JMJD4: variants seen among roughly 807,000 people sequenced by gnomAD.
JMJD4 encodes the protein 2-oxoglutarate and iron-dependent oxygenase JMJD4.
Under a neutral mutation model 36.3 loss-of-function variants are expected in JMJD4, and 34 were observed. That is an observed-to-expected ratio of 0.94 (90% CI 0.71 to 1.25). The LOEUF (loss-of-function observed/expected upper bound fraction) is 1.25. Ranked by LOEUF, JMJD4 falls within the 50% of genes most tolerant of loss-of-function variation. The pLI is 0.00. For missense variants in JMJD4, 584 were observed against 559.1 expected, an observed-to-expected ratio of 1.04 and a Z score of -0.45; for synonymous variants, 269 against 235.3, an observed-to-expected ratio of 1.14 and a Z score of -1.31.
intron 1 of JMJD4, 66 bp from the exon 2 acceptor site, chr1:227,734,882 A>G (rs1660967805): frequency 3.1e-6 from 5 of 1,597,484 alleles, no homozygotes; most frequent in Non-Finnish European, 4.3e-6. Context: ...CCGTCTGCAG[A>G]GGAACTCTCC....
rs866628747 is a variant in JMJD4, at chr1:227,735,122, G to A, written c.152C>T (p.Pro51Leu). 6.3e-7 allele frequency: 1 copy of A among 1,578,934 alleles called. No individual in the cohort carries two copies. Among genetic ancestry groups the A allele is most frequent in the Non-Finnish European group, 8.6e-7 (1 of 1,163,420 alleles). ...GCTGGAAAACACGCAGGGCAGGTTG[G>A]GCAGCAAGAAGCCCCGCACAAAGTC... ...YADFVRGFLL[P>L]NLPCVFSSAF... The change falls in exon 1 of 6, where the codon CCC becomes CTC. Residue 51 changes from proline (P) to leucine (L), a missense_variant. Pro to Leu is a moderately conservative substitution (Grantham distance 98). Coordinates refer to ENST00000620518, the MANE Select transcript of JMJD4 (RefSeq NM_023007.3).
In JMJD4 at chr1:227,735,181, G is replaced by A. The variant is rs750265033; in HGVS notation, c.93C>T (p.Ala31=). The stretch of plus-strand genomic sequence containing the variant: ...AGAAGGCGCCCGGCTCCGAGACGAA[G>A]GCTACCCGGCCCGGAGCCTGGCCGA... ...PGVGQAPGRV[A]FVSEPGAFSY... is the part of the protein sequence containing the mutation. The change falls in exon 1 of 6, where the codon GCC becomes GCT. Residue 31 remains alanine (A), a synonymous_variant. Coordinates refer to ENST00000620518, the MANE Select transcript of JMJD4 (RefSeq NM_023007.3). 6.3e-6 allele frequency: 10 copies of A among 1,580,762 alleles called. No individual in the cohort carries two copies. The African/African-American group carries it at 6.8e-5, about 11-fold the overall frequency.
rs576598235 is a variant in JMJD4 at position 227,733,578 on chromosome 1, G to A, written c.658C>T (p.Arg220Trp). 2.5e-6 allele frequency: 4 copies of A among 1,607,684 alleles called. No homozygotes were observed. Among genetic ancestry groups the A allele is most frequent in the East Asian group, 2.2e-5 (1 of 44,846 alleles). Reference protein sequence around the residue: ...LFPPGQEEALRDRHGNLPYDV... With the variant: ...LFPPGQEEALWDRHGNLPYDV... Reference sequence around the variant, plus strand: ...TAGGGCAGGTTGCCGTGGCGGTCCCGCAGGGCCTCTTCCTGCCCTGGGGGG... The same window carrying A: ...TAGGGCAGGTTGCCGTGGCGGTCCCACAGGGCCTCTTCCTGCCCTGGGGGG... The change falls in exon 4 of 6, where the codon CGG becomes TGG. Residue 220 changes from arginine (R) to tryptophan (W), a missense_variant. Arg to Trp is a moderately radical substitution (Grantham distance 101, BLOSUM62 -3). Coordinates refer to ENST00000620518, the MANE Select transcript of JMJD4 (RefSeq NM_023007.3).
chr1:227,733,164 T>G lies in JMJD4; in HGVS notation c.823-137A>C, dbSNP rs959287586. The stretch of plus-strand genomic sequence containing the variant: ...GGGCCCTCCTGTCTCCCAGCAGGGC[T>G]TGCTCAGCAGGGAAGTGGGTGGCGG... On this transcript the variant is annotated intron_variant, in intron 4 of 5. Coordinates refer to ENST00000620518, the MANE Select transcript of JMJD4 (RefSeq NM_023007.3). 4.8e-6 allele frequency: 5 copies of G among 1,044,186 alleles called. No homozygotes were observed. In the African/African-American group the frequency reaches 8.0e-5, roughly 17 times the overall value. The allele number at this position is 1,044,186 out of a possible 1,614,324, so 64.7% of individuals were successfully genotyped here. A position where few individuals can be genotyped will look rare whatever the true frequency, so the allele number is the denominator to read the frequency against.
intron 2 of JMJD4, 191 bp downstream of exon 2, chr1:227,734,460 C>T: frequency 4.2e-6 from 2 of 478,790 alleles, no homozygotes; most frequent in Non-Finnish European, 7.2e-6. Flanking sequence ...GAAAAAAAAC[C>T]ATATTGACCT....
rs777050845 is a variant in JMJD4 at position 227,735,015 on chromosome 1, A to C, written c.259T>G (p.Tyr87Asp). The C allele has an allele frequency of 6.5e-7, 1 of 1,541,184 alleles. No homozygotes were observed. ...GGGTCTGCGGCCGCCGCCCCACCGT[A>C]GGTCCGTAGCAGGTGGTCGAAGTCG... Reference protein sequence around the residue: ...RPDFDHLLRTYGDVVVPVANC... With the variant: ...RPDFDHLLRTDGDVVVPVANC... The change falls in exon 1 of 6, where the codon TAC becomes GAC. Residue 87 changes from tyrosine to aspartate, a missense_variant. Tyr to Asp is a radical substitution (Grantham distance 160). Coordinates refer to ENST00000620518, the MANE Select transcript of JMJD4 (RefSeq NM_023007.3).
At position 227,733,527 on chromosome 1, in the gene JMJD4, C is replaced by T. The variant is rs745695765; in HGVS notation, c.709G>A (p.Asp237Asn). The part of the protein sequence containing the change: ...PYDVTSPALC[D>N]THLHPRNQLA... ...TGGTTCCGTGGGTGCAGGTGTGTGT[C>T]GCAGAGTGCTGGGGAGGTCACGTCG... Residue 237 changes from aspartate (D) to asparagine (N), a missense_variant, in exon 4 of 6, where the codon GAC becomes AAC. Transcript: ENST00000620518. 8 of 1,603,046 alleles carry T rather than the reference C, an allele frequency of 5.0e-6. No individual in the cohort carries two copies. Among genetic ancestry groups the T allele is most frequent in the African/African-American group, 2.7e-5 (2 of 74,484 alleles).
chr1:227,732,482 G>C lies in JMJD4; in HGVS notation c.1164C>G (p.Phe388Leu), dbSNP rs1386406295. Reference sequence around the variant, plus strand: ...AGAACGCGCTGGTGTCCACTCTCTGGAAGTCGGGGTGCGCAACCAAGGAGG... The same window carrying C: ...AGAACGCGCTGGTGTCCACTCTCTGCAAGTCGGGGTGCGCAACCAAGGAGG... The part of the protein sequence containing the change: ...VLASLVAHPD[F>L]QRVDTSAFSP... Residue 388 changes from phenylalanine (F) to leucine (L), a missense_variant, in exon 6 of 6, where the codon TTC becomes TTG. Phe to Leu is a conservative substitution (Grantham distance 22). Transcript: ENST00000620518. The C allele has an allele frequency of 1.2e-6, 2 of 1,613,342 alleles. No individual in the cohort carries two copies. The highest frequency in any genetic ancestry group is 1.7e-5 in the Admixed American group (1 of 60,032).
rs1660873973 is a variant in JMJD4 at position 227,734,052 on chromosome 1, G to A, written c.429-20C>T. 1 of 1,609,274 alleles carries A rather than the reference G, an allele frequency of 6.2e-7. No homozygotes were observed. Among genetic ancestry groups the A allele is most frequent in the Admixed American group, 1.7e-5 (1 of 59,654 alleles). On this transcript the variant is annotated intron_variant, in intron 2 of 5. Coordinates refer to ENST00000620518, the MANE Select transcript of JMJD4 (RefSeq NM_023007.3). ...AAGTCCCTGTGAGGAGGGCGCAAGGGCACCACCGACAGCACGTGAGGCACG... is the reference window on the plus strand; with the variant it reads ...AAGTCCCTGTGAGGAGGGCGCAAGGACACCACCGACAGCACGTGAGGCACG...
intron 2 of JMJD4, 96 bp downstream of exon 2, chr1:227,734,555 C>G: frequency 8.6e-7 from 1 of 1,168,492 alleles, no homozygotes. Flanking sequence ...AAAAATAGCT[C>G]CGTTGTGCAC....
At chr1:227,733,836 C>T (rs1298467311) in intron 3 of JMJD4, 71 bp downstream of exon 3, 2 of 1,598,344 alleles carry the variant, frequency 1.3e-6, no homozygotes, top group Non-Finnish European at 8.5e-7. Context: ...CCCCCTCCTG[C>T]CACCCTGGGC....
rs746902443 is a variant in JMJD4 at position 227,733,409 on chromosome 1, A to C, written c.822+5T>G. 1.9e-6 allele frequency: 3 copies of C among 1,569,904 alleles called. No individual in the cohort carries two copies. The South Asian group carries it at 3.5e-5, about 18-fold the overall frequency. On this transcript the variant is annotated splice_donor_5th_base_variant and intron_variant, in intron 4 of 5. Transcript: ENST00000620518. ...TGATAGGGGGCAGGAGAAGCAGCAC[A>C]TTACCAGGTTGTGCACCTGGTGGTG...
chr1:227,734,994 C>T lies in JMJD4; in HGVS notation c.262+18G>A. On this transcript the variant is annotated intron_variant, in intron 1 of 5. Coordinates refer to ENST00000620518, the MANE Select transcript of JMJD4 (RefSeq NM_023007.3). ...CCGGCCTTTCCTCCCCGCCCGGGGT[C>T]TGCGGCCGCCGCCCCACCGTAGGTC... 1 of 1,514,218 alleles carries T rather than the reference C, an allele frequency of 6.6e-7. No individual in the cohort carries two copies. The highest frequency in any genetic ancestry group is 1.4e-5 in the African/African-American group (1 of 71,930). The allele number at this position is 1,514,218 out of a possible 1,614,324, so 93.8% of individuals were successfully genotyped here.
rs1300979884 is a variant in JMJD4, at chr1:227,732,359, C to T, written c.*33G>A. On this transcript the variant is annotated 3_prime_UTR_variant, in exon 6 of 6. Transcript: ENST00000620518. ...GGCCCCGGAGCAGGAGGCTGCCTCT[C>T]TTCCACCCGTCCTTCTATCCTCACG... 7 of 1,602,668 alleles carry T rather than the reference C, an allele frequency of 4.4e-6. No individual in the cohort carries two copies. The highest frequency in any genetic ancestry group is 1.3e-5 in the African/African-American group (1 of 74,780).
Position 227,733,606 on chromosome 1 carries a change from G to T in JMJD4, c.630C>A (p.Leu210=). Residue 210 remains leucine, a synonymous_variant, in exon 4 of 6, where the codon CTC becomes CTA. Transcript: ENST00000620518. ...GGGCCTCTTCCTGCCCTGGGGGGAA[G>T]AGGAGCCACTTCTTCCTCCCACAGA... ...VNVCGRKKWL[L]FPPGQEEALR... The T allele has an allele frequency of 6.2e-7, 1 of 1,606,284 alleles. No homozygotes were observed.
chr1:227,734,950 C>G, intron 1 of JMJD4, 62 bp downstream of exon 1: 1 of 1,498,680 alleles, frequency 6.7e-7, no homozygotes, highest in Admixed American at 2.2e-5. Flanking sequence ...AGGCGGGGGC[C>G]TCCCGGGCCT....
intron 4 of JMJD4, 44 bp downstream of exon 4, chr1:227,733,370 T>C: frequency 6.4e-7 from 1 of 1,551,488 alleles, no homozygotes; most frequent in Non-Finnish European, 8.7e-7. Context: ...GCCGTCTTCC[T>C]GCAGGAAGGC....
At chr1:227,734,268 T>C (rs1366651706) in intron 2 of JMJD4, 1 of 513,362 alleles carries the variant, frequency 1.9e-6, no homozygotes, top group Non-Finnish European at 3.4e-6. Flanking sequence ...ATAATCCCAG[T>C]GCTTTGAGAT....
chr1:227,733,330 C>G, intron 4 of JMJD4, 84 bp downstream of exon 4: 2 of 1,426,690 alleles, frequency 1.4e-6, no homozygotes, highest in Non-Finnish European at 1.9e-6. Flanking sequence ...TCCAGCCCAG[C>G]TCTGGCTGGG....
Sources: gnomAD v4.1 joint callset for allele counts on GRCh38, gnomAD v4.1.1 for gene constraint, MANE v1.5 for transcripts, NCBI Gene and HGNC (gene_info 2026-07-23, HGNC 2026-07-21) for gene names.